The following SCHIP1 variants were observed in gnomAD, a reference collection of about 807,000 sequenced individuals.
SCHIP1 encodes the protein schwannomin-interacting protein 1.
In SCHIP1, 8 loss-of-function variants were observed where a neutral mutation model predicts 29.7. The ratio of observed to expected loss-of-function variants is 0.27; its 90% CI spans 0.16 to 0.49. SCHIP1 has a LOEUF of 0.49. Ranked by LOEUF, SCHIP1 falls within the 20% of genes least tolerant of loss-of-function variation. SCHIP1 has a pLI of 0.99. For missense variants in SCHIP1, 193 were observed against 294.6 expected (o/e 0.66, Z 2.52); for synonymous variants, 76 against 94.9 (o/e 0.80, Z 1.16).
the SCHIP1 span, among the ~76,000 whole-genome samples, chr3:159,457,728 G>A: frequency 6.6e-6 from 1 of 151,958 alleles, no homozygotes; most frequent in Non-Finnish European, 1.5e-5. Context: ...GAATAGTACT[G>A]AACCCCGTAT....
chr3:159,604,314 G>A, the SCHIP1 span, among the ~76,000 whole-genome samples: 241 of 152,260 alleles, frequency 1.6e-3, 1 homozygote, highest in African/African-American at 5.6e-3. Flanking sequence ...CTTTGATGAC[G>A]ATTATTGTAT....
the SCHIP1 span, among the ~76,000 whole-genome samples, chr3:159,737,706 T>G: frequency 2.0e-5 from 3 of 152,226 alleles, no homozygotes; most frequent in African/African-American, 2.4e-5. Flanking sequence ...CAGATTTATG[T>G]GAAAAGTGTT....
At chr3:159,711,360 CAAAAAAAAAAAAAAAAA>C in the SCHIP1 span, among the ~76,000 whole-genome samples, 15 of 6,750 alleles carry the variant, frequency 2.2e-3, no homozygotes, top group South Asian at 9.3e-3. Context: ...GACTCCGTCT[CAAAAAAAAAAAAAAAAA>C]AAAAAAAAAA....
At chr3:159,561,474 G>A in the SCHIP1 span, among the ~76,000 whole-genome samples, 1 of 152,148 alleles carries the variant, frequency 6.6e-6, no homozygotes, top group African/African-American at 2.4e-5. Flanking sequence ...GGGACATTTA[G>A]CCATATCAGT....
At chr3:159,312,408 G>A in the SCHIP1 span, among the ~76,000 whole-genome samples, 1 of 152,098 alleles carries the variant, frequency 6.6e-6, no homozygotes. Flanking sequence ...GTTAAAAACA[G>A]TCAGCCAAAA....
At chr3:159,758,524 G>GA in the SCHIP1 span, among the ~76,000 whole-genome samples, 3 of 152,002 alleles carry the variant, frequency 2.0e-5, no homozygotes, top group South Asian at 2.1e-4. Flanking sequence ...TCTGGAAAAA[G>GA]AAAAAAACAA....
At chr3:159,450,847 C>T in the SCHIP1 span, among the ~76,000 whole-genome samples, 3 of 138,500 alleles carry the variant, frequency 2.2e-5, no homozygotes, top group Non-Finnish European at 3.0e-5. Context: ...CTCGCTCTGT[C>T]GCCCAGGCTG....
chr3:159,405,611 G>A, the SCHIP1 span, among the ~76,000 whole-genome samples: 1 of 152,208 alleles, frequency 6.6e-6, no homozygotes, highest in African/African-American at 2.4e-5. Context: ...AGGCATGGTG[G>A]CACACACCTG....
At chr3:159,452,134 CTTCTT>C in the SCHIP1 span, among the ~76,000 whole-genome samples, 2 of 145,290 alleles carry the variant, frequency 1.4e-5, no homozygotes, top group Non-Finnish European at 3.0e-5. Flanking sequence ...CAAAACATTT[CTTCTT>C]TTTTTTTTTT....
chr3:159,810,308 G>T, the SCHIP1 span, among the ~76,000 whole-genome samples: 2 of 152,070 alleles, frequency 1.3e-5, no homozygotes, highest in Non-Finnish European at 2.9e-5. Context: ...GCCCCTCAAA[G>T]TGCTGGGATT....
chr3:159,593,801 A>C, the SCHIP1 span, among the ~76,000 whole-genome samples: 2 of 152,182 alleles, frequency 1.3e-5, no homozygotes, highest in Non-Finnish European at 2.9e-5. Flanking sequence ...TGTATTAGAG[A>C]ATTTGCATAG....
At chr3:159,485,453 G>A in the SCHIP1 span, among the ~76,000 whole-genome samples, 1 of 152,216 alleles carries the variant, frequency 6.6e-6, no homozygotes, top group African/African-American at 2.4e-5. Flanking sequence ...GGAGTAGAAA[G>A]AGCTGTGCTT....
chr3:159,845,325 C>G (rs1183476919), intron 1 of SCHIP1: 7 of 151,908 alleles, frequency 4.6e-5, no homozygotes, highest in Non-Finnish European at 1.5e-5. Flanking sequence ...TGTATTAGAA[C>G]CCATTTACAA....
At chr3:159,663,142 G>T in the SCHIP1 span, among the ~76,000 whole-genome samples, 1 of 152,164 alleles carries the variant, frequency 6.6e-6, no homozygotes, top group African/African-American at 2.4e-5. Flanking sequence ...TAACCTCCAA[G>T]AATTCTAGGT....
chr3:159,555,066 C>A, the SCHIP1 span, among the ~76,000 whole-genome samples: 1 of 152,120 alleles, frequency 6.6e-6, no homozygotes, highest in Non-Finnish European at 1.5e-5. Flanking sequence ...GGCATTTAAT[C>A]TCTGCATAAT....
At chr3:159,564,715 G>A in the SCHIP1 span, among the ~76,000 whole-genome samples, 2 of 152,100 alleles carry the variant, frequency 1.3e-5, no homozygotes, top group Non-Finnish European at 2.9e-5. Flanking sequence ...ATTTTTGCCT[G>A]TACAGCGTAT....
At chr3:159,314,041 A>G in the SCHIP1 span, among the ~76,000 whole-genome samples, 14 of 152,322 alleles carry the variant, frequency 9.2e-5, no homozygotes, top group Non-Finnish European at 4.4e-5. Flanking sequence ...GTTCACTTGT[A>G]TAAAGTGATA....
the SCHIP1 span, chr3:159,273,743 C>A: frequency 6.3e-7 from 1 of 1,580,878 alleles, no homozygotes; most frequent in Non-Finnish European, 8.6e-7. Context: ...CCAGGTGACC[C>A]TTTACGGATT....
At chr3:159,784,227 A>T in the SCHIP1 span, among the ~76,000 whole-genome samples, 1 of 152,238 alleles carries the variant, frequency 6.6e-6, no homozygotes, top group African/African-American at 2.4e-5. Flanking sequence ...TTGAAGTGAA[A>T]ATGTTTTCTG....
Sources: allele counts gnomAD v4.1 joint callset (sites outside exome capture counted in the v4.1 genomes callset), GRCh38; gene constraint gnomAD v4.1.1; transcripts MANE v1.5; gene names NCBI Gene and HGNC (gene_info 2026-07-23, HGNC 2026-07-21).